The following BMPR1B variants were observed in gnomAD, a reference collection of about 807,000 sequenced individuals.
The protein encoded by BMPR1B is bone morphogenetic protein receptor type 1B, also known as bone morphogenetic protein receptor type-1B.
Under a neutral mutation model 59.1 loss-of-function variants are expected in BMPR1B, and 12 were observed. The ratio of observed to expected loss-of-function variants is 0.20; its 90% CI spans 0.13 to 0.33. BMPR1B has a LOEUF of 0.33. Among genes scored for constraint, BMPR1B ranks in the 10% least tolerant of loss-of-function variants. The pLI is 1.00. For missense variants in BMPR1B, 550 were observed against 610.9 expected (o/e 0.90, Z 1.05); for synonymous variants, 237 against 207.3 (o/e 1.14, Z -1.23).
chr4:94,898,687 G>A (rs1343904396), intron 2 of BMPR1B, among the ~76,000 whole-genome samples: 1 of 144,074 alleles, frequency 6.9e-6, no homozygotes, highest in Non-Finnish European at 1.5e-5. Context: ...CTTCATAGCA[G>A]TATGAGAACA....
chr4:94,877,815 TTAA>T (rs1053677743), intron 2 of BMPR1B, among the ~76,000 whole-genome samples: 1 of 152,200 alleles, frequency 6.6e-6, no homozygotes, highest in Non-Finnish European at 1.5e-5. Context: ...GTAATATTTA[TTAA>T]TAATAGAATA....
intron 1 of BMPR1B, among the ~76,000 whole-genome samples, chr4:94,758,945 G>A (rs903372861): frequency 6.6e-6 from 1 of 151,596 alleles, no homozygotes; most frequent in Non-Finnish European, 1.5e-5. Context: ...TCTCTCAAGA[G>A]GCTTTCGCTC....
At chr4:94,935,456 G>A (rs1477019628) in intron 2 of BMPR1B, among the ~76,000 whole-genome samples, 1 of 152,126 alleles carries the variant, frequency 6.6e-6, no homozygotes, top group Non-Finnish European at 1.5e-5. Flanking sequence ...TGAACAAGAC[G>A]GGCATTTTCC....
intron 4 of BMPR1B, among the ~76,000 whole-genome samples, chr4:95,110,119 G>C (rs1731524334): frequency 6.6e-6 from 1 of 151,902 alleles, no homozygotes; most frequent in Non-Finnish European, 1.5e-5. Context: ...AAATTATACA[G>C]AGAGAACTCT....
intron 3 of BMPR1B, among the ~76,000 whole-genome samples, chr4:95,099,023 A>G (rs1372827673): frequency 2.0e-5 from 3 of 152,138 alleles, no homozygotes; most frequent in African/African-American, 7.2e-5. Flanking sequence ...GCCATCAATT[A>G]TTTTAAAGTT....
intron 3 of BMPR1B, among the ~76,000 whole-genome samples, chr4:95,055,445 C>A (rs1726849472): frequency 6.6e-6 from 1 of 152,124 alleles, no homozygotes; most frequent in African/African-American, 2.4e-5. Flanking sequence ...TACCATATGG[C>A]AAAATATACT....
chr4:95,099,460 G>T (rs1347013543), intron 3 of BMPR1B, among the ~76,000 whole-genome samples: 1 of 152,156 alleles, frequency 6.6e-6, no homozygotes, highest in African/African-American at 2.4e-5. Context: ...AAAGTAGATT[G>T]TAAAAATTTG....
At chr4:94,896,127 T>C (rs886127344) in intron 2 of BMPR1B, among the ~76,000 whole-genome samples, 1 of 152,016 alleles carries the variant, frequency 6.6e-6, no homozygotes. Context: ...TGTAAAAATA[T>C]ATCTTTGCTA....
At chr4:94,778,909 T>TG (rs1434014302) in intron 1 of BMPR1B, among the ~76,000 whole-genome samples, 1 of 152,130 alleles carries the variant, frequency 6.6e-6, no homozygotes, top group African/African-American at 2.4e-5. Flanking sequence ...GGATTTTTTT[T>TG]TGTTTATTAT....
intron 6 of BMPR1B, among the ~76,000 whole-genome samples, chr4:95,121,955 C>G (rs574252035): frequency 3.1e-4 from 47 of 152,156 alleles, no homozygotes; most frequent in African/African-American, 1.0e-3. Flanking sequence ...AACAAAGAAG[C>G]CTTATGGCAG....
chr4:94,889,109 C>T (rs1425477573), intron 2 of BMPR1B, among the ~76,000 whole-genome samples: 1 of 151,874 alleles, frequency 6.6e-6, no homozygotes, highest in Non-Finnish European at 1.5e-5. Flanking sequence ...GTACCAGGAG[C>T]CTCTTGCTGG....
intron 1 of BMPR1B, among the ~76,000 whole-genome samples, chr4:94,814,846 A>C (rs1430119234): frequency 6.6e-6 from 1 of 152,174 alleles, no homozygotes; most frequent in Non-Finnish European, 1.5e-5. Flanking sequence ...CTAAATTTTA[A>C]AAAAGGTATT....
At chr4:94,985,501 A>G (rs1721339760) in intron 2 of BMPR1B, among the ~76,000 whole-genome samples, 2 of 146,740 alleles carry the variant, frequency 1.4e-5, no homozygotes, top group South Asian at 2.2e-4. Context: ...GAGAAACCAA[A>G]ATAAGAGCTG....
intron 3 of BMPR1B, among the ~76,000 whole-genome samples, chr4:95,024,408 A>G (rs1196748726): frequency 6.6e-6 from 1 of 152,144 alleles, no homozygotes; most frequent in African/African-American, 2.4e-5. Flanking sequence ...CCTCCTACCT[A>G]GGTCAGTTGT....
At chr4:94,793,321 TC>T (rs1439685707) in intron 1 of BMPR1B, among the ~76,000 whole-genome samples, 1 of 152,004 alleles carries the variant, frequency 6.6e-6, no homozygotes, top group Non-Finnish European at 1.5e-5. Flanking sequence ...TCCAGTTTCA[TC>T]CATGTCCCTA....
chr4:95,122,145 G>A (rs527447840), intron 6 of BMPR1B, among the ~76,000 whole-genome samples: 3 of 152,148 alleles, frequency 2.0e-5, no homozygotes, highest in South Asian at 2.1e-4. Flanking sequence ...GAGACCAGCC[G>A]GGCCAACGTG....
rs17616237 is a variant in BMPR1B, at chr4:94,870,889, T to C, written c.-182-4942T>C. On this transcript the variant is annotated intron_variant, in intron 1 of 12. Coordinates refer to ENST00000515059, the MANE Select transcript of BMPR1B (RefSeq NM_001203.3). Reference sequence around the variant, plus strand: ...CTTTTGGTAGGCTCTTAAACAATTATGGAACTGTGGAAATAGCCTTAGGTG... The same window carrying C: ...CTTTTGGTAGGCTCTTAAACAATTACGGAACTGTGGAAATAGCCTTAGGTG... Among the ~76,000 whole-genome samples the C allele has an allele frequency of 8.4e-3, 1,278 of 152,222 alleles. 65 individuals carry two copies. In the East Asian group the frequency reaches 0.15, roughly 18 times the overall value.
At chr4:94,976,360 T>C (rs1198285929) in intron 2 of BMPR1B, among the ~76,000 whole-genome samples, 1 of 152,206 alleles carries the variant, frequency 6.6e-6, no homozygotes, top group East Asian at 1.9e-4. Flanking sequence ...TGAGGTAATA[T>C]AGACTCCAAG....
intron 3 of BMPR1B, among the ~76,000 whole-genome samples, chr4:95,015,323 T>C (rs982102303): frequency 6.6e-6 from 1 of 152,216 alleles, no homozygotes; most frequent in Admixed American, 6.5e-5. Flanking sequence ...GAAATAGAAA[T>C]ACCCTTGGTC....
Sources: allele counts gnomAD v4.1 joint callset (sites outside exome capture counted in the v4.1 genomes callset), GRCh38; gene constraint gnomAD v4.1.1; transcripts MANE v1.5; gene names NCBI Gene and HGNC (gene_info 2026-07-23, HGNC 2026-07-21).